CNTN4: variants seen among roughly 807,000 people sequenced by gnomAD.
The protein encoded by CNTN4 is contactin 4.
In CNTN4, 77 loss-of-function variants were observed where a neutral mutation model predicts 122.5. That is an observed-to-expected ratio of 0.63 (90% CI 0.52 to 0.76). CNTN4 has a LOEUF of 0.76. Among genes scored for constraint, CNTN4 ranks in the 30% least tolerant of loss-of-function variants. CNTN4 has a pLI of 0.00. For synonymous variants in CNTN4, 512 were observed against 447.0 expected, an observed-to-expected ratio of 1.15 and a Z score of -1.83; for missense variants, 1,256 against 1,259.1, an observed-to-expected ratio of 1.00 and a Z score of 0.04.
intron 2 of CNTN4, among the ~76,000 whole-genome samples, chr3:2,217,785 A>T (rs2038908220): frequency 6.6e-6 from 1 of 152,238 alleles, no homozygotes; most frequent in African/African-American, 2.4e-5. Flanking sequence ...AGAATCATAG[A>T]TGACCTTAGA....
intron 6 of CNTN4, among the ~76,000 whole-genome samples, chr3:2,785,001 T>A (rs1400200): frequency 0.98 from 149,341 of 152,092 alleles, 73,379 homozygotes; most frequent in East Asian, 1. Context: ...AACTTGGCCT[T>A]CTTGGCCCTG....
chr3:2,881,200 C>G (rs1012440678), intron 8 of CNTN4, among the ~76,000 whole-genome samples: 5 of 152,132 alleles, frequency 3.3e-5, no homozygotes, highest in Non-Finnish European at 7.4e-5. Flanking sequence ...GCTTCTCAAA[C>G]TCTGAAATGG....
At chr3:2,170,198 T>C (rs527887579) in intron 2 of CNTN4, among the ~76,000 whole-genome samples, 90 of 149,488 alleles carry the variant, frequency 6.0e-4, no homozygotes, top group East Asian at 2.3e-3. Flanking sequence ...GCGGCGCCTG[T>C]AGTCCCAGCT....
At chr3:2,445,473 C>G (rs1210235337) in intron 3 of CNTN4, among the ~76,000 whole-genome samples, 4 of 152,142 alleles carry the variant, frequency 2.6e-5, no homozygotes, top group Non-Finnish European at 5.9e-5. Flanking sequence ...AAGTAGTCCT[C>G]TTTGAAAATA....
chr3:2,649,669 C>T (rs2083278870), intron 4 of CNTN4, among the ~76,000 whole-genome samples: 1 of 152,176 alleles, frequency 6.6e-6, no homozygotes, highest in Non-Finnish European at 1.5e-5. Flanking sequence ...GCTAACACAA[C>T]ATCGAATCTG....
At chr3:2,886,440 A>T (rs948429063) in intron 9 of CNTN4, among the ~76,000 whole-genome samples, 1 of 151,690 alleles carries the variant, frequency 6.6e-6, no homozygotes, top group African/African-American at 2.4e-5. Flanking sequence ...AGCAAAAAAC[A>T]TATGAGGAAA....
intron 4 of CNTN4, among the ~76,000 whole-genome samples, chr3:2,722,309 T>C (rs1350184161): frequency 6.6e-6 from 1 of 152,184 alleles, no homozygotes; most frequent in Non-Finnish European, 1.5e-5. Context: ...CTATCCTCAG[T>C]GTGAATAGTC....
intron 3 of CNTN4, among the ~76,000 whole-genome samples, chr3:2,367,883 G>A (rs943601544): frequency 1.3e-5 from 2 of 151,998 alleles, no homozygotes; most frequent in African/African-American, 4.8e-5. Context: ...TGGCCCTACT[G>A]AGTGTCATTA....
chr3:3,039,050 T>G, intron 19 of CNTN4, 47 bp downstream of exon 19: 1 of 1,489,488 alleles, frequency 6.7e-7, no homozygotes, highest in Non-Finnish European at 9.4e-7. Flanking sequence ...TCGAAGCTAT[T>G]TTATTATTTT....
intron 14 of CNTN4, among the ~76,000 whole-genome samples, chr3:2,993,263 A>G (rs952841446): frequency 5.3e-5 from 8 of 152,038 alleles, no homozygotes; most frequent in African/African-American, 1.7e-4. Context: ...TTGCCTTACA[A>G]CAGCAAAGTT....
chr3:2,648,962 A>G (rs867582722), intron 4 of CNTN4, among the ~76,000 whole-genome samples: 130 of 152,244 alleles, frequency 8.5e-4, no homozygotes, highest in African/African-American at 2.9e-3. Context: ...AGAAGATCAC[A>G]CCAGCCGCAA....
chr3:2,794,393 T>C (rs1017226957), intron 6 of CNTN4, among the ~76,000 whole-genome samples: 1 of 152,228 alleles, frequency 6.6e-6, no homozygotes, highest in East Asian at 1.9e-4. Flanking sequence ...CTGTAATGTA[T>C]GTTGGATAGT....
intron 7 of CNTN4, among the ~76,000 whole-genome samples, chr3:2,824,171 A>C (rs1298485132): frequency 6.6e-6 from 1 of 151,710 alleles, no homozygotes; most frequent in Non-Finnish European, 1.5e-5. Context: ...AAAAAAAAAA[A>C]AAACAGGCCA....
chr3:3,038,207 G>T (rs905056128), intron 18 of CNTN4, among the ~76,000 whole-genome samples: 2 of 152,106 alleles, frequency 1.3e-5, no homozygotes, highest in African/African-American at 4.8e-5. Flanking sequence ...AATATAGCTA[G>T]TCCCCTGCTT....
intron 3 of CNTN4, among the ~76,000 whole-genome samples, chr3:2,420,400 G>T (rs1451296181): frequency 1.3e-5 from 2 of 152,016 alleles, no homozygotes; most frequent in Non-Finnish European, 2.9e-5. Context: ...TTCTCTGCAG[G>T]ATTGCCTGCT....
chr3:2,140,004 C>T (rs1004989480), intron 2 of CNTN4, among the ~76,000 whole-genome samples: 4 of 152,138 alleles, frequency 2.6e-5, no homozygotes, highest in Non-Finnish European at 5.9e-5. Context: ...TTTACTGTGC[C>T]GTTCTTGTCA....
chr3:2,632,634 A>G (rs903166629), intron 4 of CNTN4, among the ~76,000 whole-genome samples: 7 of 152,238 alleles, frequency 4.6e-5, no homozygotes, highest in Non-Finnish European at 7.3e-5. Flanking sequence ...TTTAACTCAC[A>G]TAAGTTAAAT....
intron 7 of CNTN4, among the ~76,000 whole-genome samples, chr3:2,832,115 A>G (rs1368514338): frequency 6.6e-6 from 1 of 152,058 alleles, no homozygotes; most frequent in Non-Finnish European, 1.5e-5. Context: ...GCAAGCCAGC[A>G]CTCCTTCTAA....
intron 2 of CNTN4, among the ~76,000 whole-genome samples, chr3:2,228,298 C>T (rs1211934776): frequency 6.6e-6 from 1 of 152,002 alleles, no homozygotes; most frequent in African/African-American, 2.4e-5. Flanking sequence ...TGGAAAAAAT[C>T]AAAATAATAA....
Sources: gnomAD v4.1 joint callset for allele counts (sites outside exome capture counted in the v4.1 genomes callset) on GRCh38, gnomAD v4.1.1 for gene constraint, MANE v1.5 for transcripts, NCBI Gene and HGNC (gene_info 2026-07-23, HGNC 2026-07-21) for gene names.